The following SLC35F4 variants were observed in gnomAD, a reference collection of about 807,000 sequenced individuals.
SLC35F4 encodes the protein solute carrier family 35 member F4, also known as chromosome 14 open reading frame 36.
A neutral mutation model predicts 44.2 loss-of-function variants in SLC35F4; 24 were observed. The observed-to-expected ratio is 0.54, with a 90% CI of 0.39 to 0.76. The LOEUF (loss-of-function observed/expected upper bound fraction) is 0.76. Among genes scored for constraint, SLC35F4 ranks in the 30% least tolerant of loss-of-function variants. The pLI is 0.00. For missense variants in SLC35F4, 562 were observed against 586.1 expected (o/e 0.96, Z 0.42); for synonymous variants, 238 against 223.6 (o/e 1.06, Z -0.57).
At chr14:57,759,709 G>A (rs62003425) in intron 1 of SLC35F4, among the ~76,000 whole-genome samples, 4 of 151,960 alleles carry the variant, frequency 2.6e-5, no homozygotes, top group Non-Finnish European at 5.9e-5. Flanking sequence ...CTTTTGTTTC[G>A]GTCAGTGCTA....
At chr14:57,787,195 C>T (rs2077785988) in intron 1 of SLC35F4, among the ~76,000 whole-genome samples, 1 of 152,016 alleles carries the variant, frequency 6.6e-6, no homozygotes, top group Non-Finnish European at 1.5e-5. Context: ...TCAAACTAAC[C>T]CAATCCAACA....
At chr14:57,835,217 G>T (rs1340458451) in intron 1 of SLC35F4, among the ~76,000 whole-genome samples, 10 of 152,166 alleles carry the variant, frequency 6.6e-5, no homozygotes. Context: ...TAATCATATT[G>T]TTCCTCCTCA....
At chr14:57,734,291 T>C (rs1415312697) in intron 1 of SLC35F4, among the ~76,000 whole-genome samples, 1 of 152,228 alleles carries the variant, frequency 6.6e-6, no homozygotes, top group Non-Finnish European at 1.5e-5. Context: ...ATGATAGGGT[T>C]ACTATTAGGA....
chr14:57,888,024 C>T (rs1179347900), intron 1 of SLC35F4, among the ~76,000 whole-genome samples: 1 of 152,158 alleles, frequency 6.6e-6, no homozygotes, highest in East Asian at 1.9e-4. Context: ...TAGCCGCTGG[C>T]ATCTCAGTTA....
chr14:57,678,422 A>G (rs969602385), intron 1 of SLC35F4, among the ~76,000 whole-genome samples: 3 of 152,122 alleles, frequency 2.0e-5, no homozygotes, highest in East Asian at 1.9e-4. Context: ...AAACATGCCA[A>G]TTGTAAAGAT....
chr14:57,941,084 C>T (rs1303420398), intron 1 of SLC35F4, among the ~76,000 whole-genome samples: 3 of 152,130 alleles, frequency 2.0e-5, no homozygotes, highest in Non-Finnish European at 4.4e-5. Flanking sequence ...AACCCTTGTA[C>T]ATTACTGGTG....
intron 1 of SLC35F4, among the ~76,000 whole-genome samples, chr14:57,760,650 G>T (rs2077102742): frequency 6.6e-6 from 1 of 152,122 alleles, no homozygotes; most frequent in South Asian, 2.1e-4. Flanking sequence ...TTGCTTTTAA[G>T]ATTTATTAGT....
At chr14:57,642,997 T>C (rs542528887) in intron 1 of SLC35F4, among the ~76,000 whole-genome samples, 3 of 152,112 alleles carry the variant, frequency 2.0e-5, no homozygotes, top group Admixed American at 6.6e-5. Flanking sequence ...CTTTAGCACA[T>C]TGTTTGTGTA....
chr14:57,698,705 T>A (rs1347934899), intron 1 of SLC35F4, among the ~76,000 whole-genome samples: 1 of 151,702 alleles, frequency 6.6e-6, no homozygotes, highest in Non-Finnish European at 1.5e-5. Flanking sequence ...TGGCATGATC[T>A]CGGCTCACTG....
intron 1 of SLC35F4, among the ~76,000 whole-genome samples, chr14:57,774,686 T>C (rs1050618809): frequency 1.3e-5 from 2 of 152,188 alleles, no homozygotes; most frequent in Non-Finnish European, 2.9e-5. Flanking sequence ...TCATAGCTTC[T>C]GTGCTGGTGG....
chr14:57,609,228 A>G (rs572383384), intron 1 of SLC35F4, among the ~76,000 whole-genome samples: 67 of 152,302 alleles, frequency 4.4e-4, no homozygotes, highest in African/African-American at 1.5e-3. Flanking sequence ...GCGTAGTTTT[A>G]TTAGAAAAAA....
At chr14:57,613,526 T>G (rs1210003679) in intron 1 of SLC35F4, among the ~76,000 whole-genome samples, 1 of 152,202 alleles carries the variant, frequency 6.6e-6, no homozygotes, top group Non-Finnish European at 1.5e-5. Context: ...GCTTTTCAGT[T>G]TCTTAGTAAC....
chr14:57,774,506 GCT>G (rs2077442667), intron 1 of SLC35F4, among the ~76,000 whole-genome samples: 2 of 152,186 alleles, frequency 1.3e-5, no homozygotes, highest in Admixed American at 6.5e-5. Flanking sequence ...GGCTCGACTT[GCT>G]CCTATGGGAG....
At chr14:57,639,847 A>G (rs1233538290) in intron 1 of SLC35F4, among the ~76,000 whole-genome samples, 1 of 151,998 alleles carries the variant, frequency 6.6e-6, no homozygotes, top group Non-Finnish European at 1.5e-5. Flanking sequence ...ATTTGGAGTA[A>G]TAAAGGGAAA....
chr14:57,962,808 T>G (rs969230760), intron 1 of SLC35F4, among the ~76,000 whole-genome samples: 2 of 152,222 alleles, frequency 1.3e-5, no homozygotes, highest in South Asian at 4.1e-4. Flanking sequence ...TCTCCCTCCC[T>G]GCTGCTGCAA....
intron 1 of SLC35F4, among the ~76,000 whole-genome samples, chr14:57,685,364 G>T (rs1055001218): frequency 1.3e-5 from 2 of 152,074 alleles, no homozygotes; most frequent in Non-Finnish European, 2.9e-5. Flanking sequence ...AATTTATTTA[G>T]GTTACTTTGA....
chr14:57,792,692 T>C (rs1252864777), intron 1 of SLC35F4, among the ~76,000 whole-genome samples: 2 of 152,072 alleles, frequency 1.3e-5, no homozygotes, highest in Non-Finnish European at 2.9e-5. Flanking sequence ...AAACCAAACA[T>C]CGTGTGTTCT....
intron 1 of SLC35F4, among the ~76,000 whole-genome samples, chr14:57,693,038 C>G (rs1278656428): frequency 6.6e-6 from 1 of 152,086 alleles, no homozygotes; most frequent in African/African-American, 2.4e-5. Flanking sequence ...TTTCATTATT[C>G]CAGTAACTAT....
intron 1 of SLC35F4, among the ~76,000 whole-genome samples, chr14:57,643,455 T>C (rs2140168868): frequency 6.6e-6 from 1 of 152,242 alleles, no homozygotes; most frequent in South Asian, 2.1e-4. Context: ...TTACTATCTG[T>C]CAGTAGCTTC....
Sources: allele counts gnomAD v4.1 joint callset (sites outside exome capture counted in the v4.1 genomes callset), GRCh38; gene constraint gnomAD v4.1.1; transcripts MANE v1.5; gene names NCBI Gene and HGNC (gene_info 2026-07-23, HGNC 2026-07-21).